Variants in WDR47 observed in about 807,000 individuals in gnomAD.
WDR47 encodes the protein WD repeat domain 47, also known as WD repeat-containing protein 47.
Under a neutral mutation model 97.2 loss-of-function variants are expected in WDR47, and 32 were observed. The observed-to-expected ratio is 0.33, with a 90% CI of 0.25 to 0.44. The LOEUF (loss-of-function observed/expected upper bound fraction) is 0.44, where lower values mean the gene tolerates loss of function less well. Among genes scored for constraint, WDR47 ranks in the 20% least tolerant of loss-of-function variants. The pLI, the probability that WDR47 is intolerant of heterozygous loss-of-function variation, is 1.00. For missense variants in WDR47, 782 were observed against 1,102.3 expected, an observed-to-expected ratio of 0.71 and a Z score of 4.11; for synonymous variants, 375 against 373.5, an observed-to-expected ratio of 1.00 and a Z score of -0.05.
At chr1:109,039,020 T>C (rs1168362472) in intron 1 of WDR47, among the ~76,000 whole-genome samples, 2 of 150,788 alleles carry the variant, frequency 1.3e-5, no homozygotes, top group Non-Finnish European at 3.0e-5. Flanking sequence ...AAATAAATAT[T>C]GGAAAGTTCA....
intron 1 of WDR47, among the ~76,000 whole-genome samples, chr1:109,034,052 G>A (rs1269385262): frequency 6.6e-6 from 1 of 152,254 alleles, no homozygotes; most frequent in Non-Finnish European, 1.5e-5. Flanking sequence ...ATTTTGGGAG[G>A]CCGAAGTGGG....
At chr1:108,995,314 T>C (rs975469671) in intron 8 of WDR47, among the ~76,000 whole-genome samples, 5 of 152,156 alleles carry the variant, frequency 3.3e-5, no homozygotes, top group Non-Finnish European at 7.4e-5. Context: ...AAACTGTAGG[T>C]TCTTTGAGTA....
chr1:109,034,131 A>T (rs922780302), intron 1 of WDR47, among the ~76,000 whole-genome samples: 4 of 151,708 alleles, frequency 2.6e-5, no homozygotes, highest in African/African-American at 9.7e-5. Context: ...TCTACTAAAA[A>T]TACAAAATTA....
chr1:109,015,167 T>C (rs1007814616), intron 3 of WDR47, among the ~76,000 whole-genome samples: 1 of 151,928 alleles, frequency 6.6e-6, no homozygotes, highest in Non-Finnish European at 1.5e-5. Flanking sequence ...CGCAAAGAAA[T>C]ATCAAGCAGC....
At chr1:109,009,195 ATTTTT>A (rs1306907474) in intron 5 of WDR47, among the ~76,000 whole-genome samples, 1 of 152,232 alleles carries the variant, frequency 6.6e-6, no homozygotes, top group Non-Finnish European at 1.5e-5. Flanking sequence ...AAAAGGTTTC[ATTTTT>A]ATCTCTTTCA....
intron 2 of WDR47, among the ~76,000 whole-genome samples, chr1:109,022,167 A>C (rs1022897322): frequency 2.0e-5 from 3 of 152,066 alleles, no homozygotes; most frequent in Non-Finnish European, 4.4e-5. Flanking sequence ...TTTAAATATA[A>C]GTTTGTAATC....
intron 14 of WDR47, among the ~76,000 whole-genome samples, chr1:108,973,841 C>A (rs1000841260): frequency 6.6e-5 from 10 of 151,918 alleles, no homozygotes; most frequent in Admixed American, 5.3e-4. Context: ...AATAATCGTG[C>A]CACTGCACTC....
chr1:108,972,770 ACT>A (rs1344621642), intron 14 of WDR47, among the ~76,000 whole-genome samples: 5 of 151,990 alleles, frequency 3.3e-5, no homozygotes, highest in African/African-American at 4.8e-5. Flanking sequence ...ACATGGTGAA[ACT>A]CTGTCTCTAC....
intron 8 of WDR47, among the ~76,000 whole-genome samples, chr1:108,993,419 T>C (rs1010015607): frequency 6.6e-6 from 1 of 151,940 alleles, no homozygotes; most frequent in Non-Finnish European, 1.5e-5. Flanking sequence ...GCTTTTGAAA[T>C]ACTGAGGAAT....
chr1:108,983,169 T>C, intron 11 of WDR47, 113 bp downstream of exon 11: 2 of 1,099,922 alleles, frequency 1.8e-6, no homozygotes, highest in Admixed American at 3.6e-5. Flanking sequence ...GAAAAAATTA[T>C]TCTTTAAGAT....
intron 14 of WDR47, among the ~76,000 whole-genome samples, chr1:108,971,938 T>C (rs1304945383): frequency 6.6e-6 from 1 of 152,178 alleles, no homozygotes; most frequent in Non-Finnish European, 1.5e-5. Flanking sequence ...TCTCTGTACC[T>C]AACTTCCTAA....
At chr1:108,999,228 C>T (rs1195913426) in intron 7 of WDR47, among the ~76,000 whole-genome samples, 1 of 120,928 alleles carries the variant, frequency 8.3e-6, no homozygotes, top group African/African-American at 3.2e-5. Context: ...ACTCTGTCCC[C>T]AAAAAAAAAA....
At chr1:108,992,214 C>A in intron 8 of WDR47, 2 of 788,174 alleles carry the variant, frequency 2.5e-6, no homozygotes, top group South Asian at 1.4e-5. Flanking sequence ...TAAGAAAGAC[C>A]TCTTAGAAAA....
Position 109,028,249 on chromosome 1 carries a change from A to C in WDR47, c.-9-4728T>G, listed in dbSNP as rs1341940866. ...GCCCAGGCAGGAGTGCAGTGGCTGA[A>C]TCATGGCTCACTGCAGCCTTGGCCT... On this transcript the variant is annotated intron_variant, in intron 1 of 14. Coordinates refer to ENST00000369962, the MANE Select transcript of WDR47 (RefSeq NM_001142551.2). Among the ~76,000 whole-genome samples the C allele has an allele frequency of 2.6e-5, 4 of 151,914 alleles. No individual in the cohort carries two copies. The East Asian group carries it at 7.8e-4, about 30-fold the overall frequency.
In WDR47 at chr1:109,023,428, T is replaced by A; in HGVS notation, c.85A>T (p.Ile29Phe). 1 of 1,613,818 alleles carries A rather than the reference T, an allele frequency of 6.2e-7. No homozygotes were observed. The highest frequency in any genetic ancestry group is 2.2e-5 in the East Asian group (1 of 44,800). The change falls in exon 2 of 15, where the codon ATT becomes TTT. Residue 29 changes from isoleucine (I) to phenylalanine (F), a missense_variant. Ile to Phe is a conservative substitution (Grantham distance 21, BLOSUM62 0). This residue lies in a region of WDR47 where 428 missense variants were observed against 584.3 expected (regional missense o/e 0.73). Transcript: ENST00000369962. ...LDFLNSKKLH[I>F]SMLALEKESG... is the part of the protein sequence containing the mutation. ...TCCTTCTCCAGGGCCAGCATACTAATGTGAAGCTTCTTTGAATTCAGGAAG... is the reference window on the plus strand; with the variant it reads ...TCCTTCTCCAGGGCCAGCATACTAAAGTGAAGCTTCTTTGAATTCAGGAAG...
chr1:109,022,260 C>CA (rs1426972971), intron 2 of WDR47, among the ~76,000 whole-genome samples: 3 of 151,032 alleles, frequency 2.0e-5, no homozygotes, highest in Non-Finnish European at 3.0e-5. Flanking sequence ...TTAATAGATG[C>CA]AAAAAAAAGA....
At chr1:108,995,386 A>G (rs1403277487) in intron 8 of WDR47, among the ~76,000 whole-genome samples, 194 bp downstream of exon 8, 1 of 152,198 alleles carries the variant, frequency 6.6e-6, no homozygotes, top group African/African-American at 2.4e-5. Flanking sequence ...GAAAAATAGA[A>G]GGAAAATGGA....
intron 8 of WDR47, among the ~76,000 whole-genome samples, chr1:108,994,050 C>T (rs1293110268): frequency 6.6e-6 from 1 of 152,050 alleles, no homozygotes; most frequent in Non-Finnish European, 1.5e-5. Flanking sequence ...AAGGGATAGA[C>T]AAAGTGAGGG....
intron 14 of WDR47, among the ~76,000 whole-genome samples, chr1:108,972,561 G>A (rs1221731480): frequency 2.0e-5 from 3 of 152,164 alleles, no homozygotes; most frequent in African/African-American, 7.2e-5. Flanking sequence ...GGCTATGCAT[G>A]TGTGAGTCAG....
Sources: allele counts gnomAD v4.1 joint callset (sites outside exome capture counted in the v4.1 genomes callset), GRCh38; gene constraint gnomAD v4.1.1; regional missense constraint gnomAD v4.1.1; transcripts MANE v1.5; gene names NCBI Gene and HGNC (gene_info 2026-07-23, HGNC 2026-07-21).